Variants in VPS13D observed in about 807,000 individuals in gnomAD.
VPS13D encodes the protein vacuolar protein sorting 13 homolog D.
In VPS13D, 187 loss-of-function variants were observed where a neutral mutation model predicts 461.9. The observed-to-expected ratio is 0.40, with a 90% CI of 0.36 to 0.46. The LOEUF is 0.46. VPS13D is among the 20% of genes least tolerant of loss of function. The pLI, the probability that VPS13D is intolerant of heterozygous loss-of-function variation, is 0.60. For synonymous variants in VPS13D, 1,951 were observed against 1,986.3 expected, an observed-to-expected ratio of 0.98 and a Z score of 0.47; for missense variants, 4,711 against 5,364.9, an observed-to-expected ratio of 0.88 and a Z score of 3.81.
At chr1:12,335,997 G>T (rs1236637775) in intron 39 of VPS13D, 170 bp downstream of exon 39, 27 of 862,262 alleles carry the variant, frequency 3.1e-5, no homozygotes. Context: ...TTTCTGGCAT[G>T]AACTACTGAA....
At chr1:12,403,343 C>T (rs989405881) in intron 62 of VPS13D, among the ~76,000 whole-genome samples, 15 of 152,224 alleles carry the variant, frequency 9.9e-5, no homozygotes, top group African/African-American at 2.9e-4. Flanking sequence ...AGTGATATTA[C>T]GTCTTTACAG....
At position 12,299,474 on chromosome 1, in the gene VPS13D, A is replaced by G. The variant is rs373664141; in HGVS notation, c.6216+90A>G. On this transcript the variant is annotated intron_variant, in intron 25 of 69. Transcript: ENST00000620676. The surrounding 1 kb of genome is among the most constrained non-coding windows in gnomAD (Gnocchi z 4.2). ...GTATGCTGCTGTAAGATGATCCATA[A>G]TTGCTATTACTTTTGTAGGGTATGT... 9 of 1,420,794 alleles carry G rather than the reference A, an allele frequency of 6.3e-6. No homozygotes were observed. Among genetic ancestry groups the G allele is most frequent in the African/African-American group, 4.3e-5 (3 of 69,546 alleles). 88.0% of individuals were successfully genotyped at this position (1,420,794 alleles called of 1,614,324 possible). A position where few individuals can be genotyped will look rare whatever the true frequency, so the allele number is the denominator to read the frequency against.
chr1:12,236,482 G>A (rs1340052567), intron 2 of VPS13D, among the ~76,000 whole-genome samples: 1 of 152,096 alleles, frequency 6.6e-6, no homozygotes, highest in Non-Finnish European at 1.5e-5. Context: ...CTGTGCTCAA[G>A]CAGTCCTCCT....
intron 25 of VPS13D, among the ~76,000 whole-genome samples, chr1:12,301,686 A>G (rs576764922): frequency 6.6e-6 from 1 of 152,200 alleles, no homozygotes; most frequent in Non-Finnish European, 1.5e-5. Context: ...CTCAATCTCT[A>G]GCCCCGCTGC....
chr1:12,238,641 T>A (rs1640244289), intron 2 of VPS13D, among the ~76,000 whole-genome samples: 1 of 151,198 alleles, frequency 6.6e-6, no homozygotes, highest in South Asian at 2.1e-4. Flanking sequence ...TCTTTTTTTT[T>A]TTTTTTTTGA....
At chr1:12,286,448 A>G (rs1423946246) in intron 21 of VPS13D, among the ~76,000 whole-genome samples, 1 of 152,078 alleles carries the variant, frequency 6.6e-6, no homozygotes, top group Non-Finnish European at 1.5e-5. Context: ...TGTCTTTTAA[A>G]TCTCTTTTAA....
intron 14 of VPS13D, 81 bp from the exon 15 acceptor site, chr1:12,267,764 C>A: frequency 1.6e-6 from 2 of 1,248,070 alleles, no homozygotes; most frequent in Non-Finnish European, 2.4e-6. Flanking sequence ...GAGTGTGTTG[C>A]TGAAGGGTAA....
At chr1:12,426,888 C>T (rs1241316203) in intron 65 of VPS13D, among the ~76,000 whole-genome samples, 2 of 152,072 alleles carry the variant, frequency 1.3e-5, no homozygotes, top group Non-Finnish European at 2.9e-5. Context: ...GTGGCAGGCG[C>T]CTGTAATCCC....
intron 54 of VPS13D, 86 bp downstream of exon 54, chr1:12,369,788 A>T (rs529961875): frequency 8.2e-7 from 1 of 1,224,890 alleles, no homozygotes; most frequent in Admixed American, 2.3e-5. Flanking sequence ...TTCTTAGGAG[A>T]CCAAAGTACA....
In VPS13D at chr1:12,461,324, T is replaced by C. The variant is rs577873282; in HGVS notation, c.12662+928T>C. Among the ~76,000 whole-genome samples, 17 of 152,262 alleles carry C rather than the reference T, an allele frequency of 1.1e-4. No homozygotes were observed. In the South Asian group the frequency reaches 3.1e-3, roughly 28 times the overall value. On this transcript the variant is annotated intron_variant, in intron 67 of 69. Coordinates refer to ENST00000620676, the MANE Select transcript of VPS13D (RefSeq NM_015378.4). ...GGATGTGAAGTGAAATTGTCCCCAA[T>C]TGAAGTGAATCCATTTGTCTGTCAC...
intron 68 of VPS13D, among the ~76,000 whole-genome samples, chr1:12,504,296 G>A (rs543476666): frequency 6.6e-6 from 1 of 152,316 alleles, no homozygotes; most frequent in South Asian, 2.1e-4. Context: ...CCCAGTTCCA[G>A]CTGTGGCCTC....
At chr1:12,254,549 A>C (rs1198812382) in intron 7 of VPS13D, among the ~76,000 whole-genome samples, 1 of 99,522 alleles carries the variant, frequency 1.0e-5, no homozygotes, top group Non-Finnish European at 1.8e-5. Context: ...TTTGAGATGG[A>C]GTCTCGCTCT....
intron 25 of VPS13D, among the ~76,000 whole-genome samples, chr1:12,303,167 G>C (rs905715888): frequency 3.9e-5 from 6 of 152,312 alleles, no homozygotes; most frequent in Admixed American, 2.6e-4. Context: ...AGTGGTTAAA[G>C]AACAGGAAAT....
At chr1:12,294,767 GCGCCACTGCACTCCAGTC>G (rs1241270850) in intron 24 of VPS13D, among the ~76,000 whole-genome samples, 1 of 152,004 alleles carries the variant, frequency 6.6e-6, no homozygotes, top group East Asian at 1.9e-4. Context: ...AGCCGAGGTG[GCGCCACTGCACTCCAGTC>G]TGGCGACAGA....
At chr1:12,349,928 A>G (rs1231431064) in intron 46 of VPS13D, among the ~76,000 whole-genome samples, 1 of 152,238 alleles carries the variant, frequency 6.6e-6, no homozygotes, top group East Asian at 1.9e-4. Flanking sequence ...TAGACTTTCA[A>G]CTTATTTAAT....
At chr1:12,341,194 A>G (rs1321880121) in intron 40 of VPS13D, among the ~76,000 whole-genome samples, 1 of 152,160 alleles carries the variant, frequency 6.6e-6, no homozygotes, top group African/African-American at 2.4e-5. Flanking sequence ...TGGTGGTGGT[A>G]TCTATGTTTA....
rs1326728445 is a variant in VPS13D at position 12,354,239 on chromosome 1, T to A, written c.9679+18T>A. 1 of 1,612,366 alleles carries A rather than the reference T, an allele frequency of 6.2e-7. No individual in the cohort carries two copies. Among genetic ancestry groups the A allele is most frequent in the Admixed American group, 1.7e-5 (1 of 59,936 alleles). ...TGAGCTGGGTAAGAATGTAGTCAGA[T>A]GATCATTTGTCATAATCCTATGAAA... is the stretch of plus-strand genomic sequence containing the variant. On this transcript the variant is annotated intron_variant, in intron 47 of 69. Transcript: ENST00000620676.
At position 12,299,085 on chromosome 1, in the gene VPS13D, G is replaced by C. The variant is rs781762701; in HGVS notation, c.6034-117G>C. On this transcript the variant is annotated intron_variant, in intron 24 of 69. Transcript: ENST00000620676. This position sits in a 1 kb window ranked among gnomAD's most constrained non-coding sequence, Gnocchi z 4.2. ...TAACTCCATGGTGGTCATAGAATATGCTCTGTATGATTTTAATTGTTTTAT... is the reference window on the plus strand; with the variant it reads ...TAACTCCATGGTGGTCATAGAATATCCTCTGTATGATTTTAATTGTTTTAT... The C allele has an allele frequency of 6.7e-5, 63 of 938,340 alleles. No homozygotes were observed. The highest frequency in any genetic ancestry group is 9.1e-5 in the Non-Finnish European group (59 of 648,738). The allele number at this position is 938,340 out of a possible 1,614,324, so 58.1% of individuals were successfully genotyped here.
chr1:12,416,877 T>C, intron 65 of VPS13D, 50 bp downstream of exon 65: 1 of 1,523,678 alleles, frequency 6.6e-7, no homozygotes, highest in South Asian at 1.3e-5. Context: ...ACGAGTCCTC[T>C]ACAGTACTAC....
Sources: allele counts gnomAD v4.1 joint callset (sites outside exome capture counted in the v4.1 genomes callset), GRCh38; gene constraint gnomAD v4.1.1; non-coding constraint Gnocchi (gnomAD v3.1); transcripts MANE v1.5; gene names NCBI Gene and HGNC (gene_info 2026-07-23, HGNC 2026-07-21).